Variants in SCARB2 observed in about 807,000 individuals in gnomAD.
SCARB2 encodes scavenger receptor class B member 2.
Under a neutral mutation model 58.6 loss-of-function variants are expected in SCARB2, and 29 were observed. That is an observed-to-expected ratio of 0.49 (90% CI 0.37 to 0.67). SCARB2 has a LOEUF of 0.67. Ranked by LOEUF, SCARB2 falls within the 30% of genes least tolerant of loss-of-function variation. The pLI is 0.00. For synonymous variants in SCARB2, 195 were observed against 210.1 expected, an observed-to-expected ratio of 0.93 and a Z score of 0.62; for missense variants, 488 against 578.5, an observed-to-expected ratio of 0.84 and a Z score of 1.60.
intron 4 of SCARB2, among the ~76,000 whole-genome samples, chr4:76,177,867 T>C (rs187996124): frequency 9.8e-5 from 15 of 152,314 alleles, no homozygotes; most frequent in Admixed American, 9.2e-4. Flanking sequence ...TGCCAGGGCC[T>C]GGGAGAGTAA....
Position 76,163,397 on chromosome 4 carries a change from A to G in SCARB2, c.1240-14T>C. ...AATGTGAACACTCTGGAGAGGCAAGAAAATAGTATTCTTGATGACTAAACA... is the reference window on the plus strand; with the variant it reads ...AATGTGAACACTCTGGAGAGGCAAGGAAATAGTATTCTTGATGACTAAACA... On this transcript the variant is annotated splice_polypyrimidine_tract_variant and intron_variant, in intron 10 of 11. Coordinates refer to ENST00000264896, the MANE Select transcript of SCARB2 (RefSeq NM_005506.4). The G allele has an allele frequency of 6.2e-7, 1 of 1,614,096 alleles. No homozygotes were observed. Among genetic ancestry groups the G allele is most frequent in the South Asian group, 1.1e-5 (1 of 91,082 alleles).
intron 1 of SCARB2, among the ~76,000 whole-genome samples, chr4:76,229,582 G>A (rs559530982): frequency 3.3e-5 from 5 of 152,146 alleles, no homozygotes; most frequent in Non-Finnish European, 7.3e-5. Flanking sequence ...TGGCTTTCTG[G>A]GAGCTGAACT....
At chr4:76,213,150 T>G in intron 1 of SCARB2, 2 of 434,598 alleles carry the variant, frequency 4.6e-6, no homozygotes, top group Middle Eastern at 7.0e-4. Flanking sequence ...ACGGAAGGAG[T>G]GGGGAGAGAT....
chr4:76,184,839 T>G (rs889523843), intron 2 of SCARB2: 1 of 342,128 alleles, frequency 2.9e-6, no homozygotes, highest in Non-Finnish European at 5.6e-6. Context: ...AAAGACAGGA[T>G]TCCTCCCAGT....
intron 3 of SCARB2, 46 bp from the exon 4 acceptor site, chr4:76,179,751 A>G: frequency 7.2e-7 from 1 of 1,396,582 alleles, no homozygotes; most frequent in Non-Finnish European, 1.0e-6. Flanking sequence ...CCTCCAAAGC[A>G]CCTCCATCCA....
intron 9 of SCARB2, 90 bp from the exon 10 acceptor site, chr4:76,166,391 G>T: frequency 7.6e-7 from 1 of 1,315,626 alleles, no homozygotes; most frequent in Admixed American, 1.7e-5. Flanking sequence ...GAAGATTCTA[G>T]TACACTTATT....
chr4:76,161,921 CAGG>C, intron 11 of SCARB2, 170 bp from the exon 12 acceptor site: 1 of 569,192 alleles, frequency 1.8e-6, no homozygotes, highest in Non-Finnish European at 3.0e-6. Flanking sequence ...GAAGATTCAG[CAGG>C]CCTAACCTTT....
intron 1 of SCARB2, among the ~76,000 whole-genome samples, chr4:76,220,054 G>T (rs1313775968): frequency 6.6e-6 from 1 of 152,196 alleles, no homozygotes; most frequent in African/African-American, 2.4e-5. Context: ...AAGCAGAACT[G>T]TTTCCTCCAT....
chr4:76,175,787 T>A lies in SCARB2; in HGVS notation c.824+4A>T. On this transcript the variant is annotated splice_donor_region_variant and intron_variant, in intron 6 of 11. Coordinates refer to ENST00000264896, the MANE Select transcript of SCARB2 (RefSeq NM_005506.4). The stretch of plus-strand genomic sequence containing the variant: ...GAAAAAGAACTTATCTTTAAAGCTT[T>A]TACCTGCAAAAGTCAGATGGGAAGA... The A allele has an allele frequency of 6.2e-7, 1 of 1,613,986 alleles. No individual in the cohort carries two copies. The highest frequency in any genetic ancestry group is 2.2e-5 in the East Asian group (1 of 44,860).
chr4:76,163,816 A>T (rs1731947882), intron 10 of SCARB2: 1 of 267,602 alleles, frequency 3.7e-6, no homozygotes, highest in South Asian at 4.2e-5. Flanking sequence ...CTGCATTGTA[A>T]CTGTTTGTCT....
intron 1 of SCARB2, among the ~76,000 whole-genome samples, chr4:76,211,361 T>TAAGTA (rs59475337): frequency 0.54 from 81,302 of 151,788 alleles, 23,433 homozygotes; most frequent in East Asian, 0.99. Context: ...CCAAGTAAGT[T>TAAGTA]ATTTGACGTA....
chr4:76,173,866 G>A, intron 7 of SCARB2: 1 of 395,524 alleles, frequency 2.5e-6, no homozygotes, highest in South Asian at 2.8e-5. Flanking sequence ...CCATTCAATA[G>A]CCATGTTATG....
intron 1 of SCARB2, among the ~76,000 whole-genome samples, chr4:76,221,356 T>C (rs745380972): frequency 6.6e-6 from 1 of 152,208 alleles, no homozygotes; most frequent in African/African-American, 2.4e-5. Context: ...TTCGCTCTTG[T>C]TGCTCAGGAT....
At chr4:76,197,536 A>T (rs1361294798) in intron 1 of SCARB2, among the ~76,000 whole-genome samples, 1 of 152,150 alleles carries the variant, frequency 6.6e-6, no homozygotes, top group Non-Finnish European at 1.5e-5. Flanking sequence ...CCCACATATT[A>T]TTGTTATAAG....
At chr4:76,171,059 G>A (rs993763499) in intron 7 of SCARB2, among the ~76,000 whole-genome samples, 1 of 151,242 alleles carries the variant, frequency 6.6e-6, no homozygotes, top group African/African-American at 2.4e-5. Context: ...TTGCTGCCAG[G>A]GAAATACATT....
At chr4:76,187,229 AT>A (rs1261439527) in intron 2 of SCARB2, among the ~76,000 whole-genome samples, 5 of 152,252 alleles carry the variant, frequency 3.3e-5, no homozygotes, top group Non-Finnish European at 7.3e-5. Context: ...CCTGATAGAA[AT>A]GTTGAAAAAG....
rs759410840 is a variant in SCARB2, at chr4:76,175,828, C to G, written c.787G>C (p.Asp263His). The G allele has an allele frequency of 5.0e-6, 8 of 1,613,898 alleles. No individual in the cohort carries two copies. The Admixed American group carries it at 1.3e-4, about 27-fold the overall frequency. The change falls in exon 6 of 12, where the codon GAT becomes CAT. Residue 263 changes from aspartate (D) to histidine (H), a missense_variant. Coordinates refer to ENST00000264896, the MANE Select transcript of SCARB2 (RefSeq NM_005506.4). ...GDSFHPLITK[D>H]EVLYVFPSDF... The stretch of plus-strand genomic sequence containing the variant: ...GATGGGAAGACATAAAGGACCTCAT[C>G]TTTGGTTATTAGTGGGTGAAAAGAA...
Position 76,168,494 on chromosome 4 carries a change from G to A in SCARB2, c.1114-18C>T, listed in dbSNP as rs569459640. 2 of 1,608,054 alleles carry A rather than the reference G, an allele frequency of 1.2e-6. No homozygotes were observed. The highest frequency in any genetic ancestry group is 1.3e-5 in the African/African-American group (1 of 74,934). On this transcript the variant is annotated intron_variant, in intron 8 of 11. Transcript: ENST00000264896. ...CCAGTCAACTGCAAATCAGAGAAGTGAAAAGGAAACATTAGGATTTATTAA... is the reference window on the plus strand; with the variant it reads ...CCAGTCAACTGCAAATCAGAGAAGTAAAAAGGAAACATTAGGATTTATTAA...
chr4:76,192,228 AG>A (rs1212040442), intron 2 of SCARB2: 1 of 152,220 alleles, frequency 6.6e-6, no homozygotes, highest in Non-Finnish European at 1.5e-5. Context: ...GAAGAAGACA[AG>A]AAGATGAGGG....
Sources: gnomAD v4.1 joint callset for allele counts (sites outside exome capture counted in the v4.1 genomes callset) on GRCh38, gnomAD v4.1.1 for gene constraint, MANE v1.5 for transcripts, NCBI Gene and HGNC (gene_info 2026-07-23, HGNC 2026-07-21) for gene names.